SUMF1: variants seen among roughly 807,000 people sequenced by gnomAD.
The protein encoded by SUMF1 is sulfatase modifying factor 1.
Under a neutral mutation model 47.6 loss-of-function variants are expected in SUMF1, and 48 were observed. The observed-to-expected ratio is 1.01, with a 90% CI of 0.80 to 1.28. The LOEUF is 1.28. Among genes scored for constraint, SUMF1 ranks in the 50% most tolerant of loss-of-function variants. SUMF1 has a pLI of 0.00. For missense variants in SUMF1, 571 were observed against 485.4 expected (o/e 1.18, Z -1.66); for synonymous variants, 230 against 192.1 (o/e 1.20, Z -1.63).
In SUMF1 at chr3:4,163,093, C is replaced by A. The variant is rs534548090; in HGVS notation, c.1015-94348G>T. On this transcript the variant is annotated intron_variant and NMD_transcript_variant, in intron 8 of 12. Transcript: ENST00000448413. ...AATGTACAAATGTCTGATGTAAAGTCATTGGGTGTTGAACTAAGCAGCAGC... is the reference window on the plus strand; with the variant it reads ...AATGTACAAATGTCTGATGTAAAGTAATTGGGTGTTGAACTAAGCAGCAGC... 4.7e-5 allele frequency among the ~76,000 whole-genome samples: 7 copies of A among 150,148 alleles called. No homozygotes were observed. In the South Asian group the frequency reaches 1.5e-3, roughly 31 times the overall value.
chr3:4,036,319 T>C (rs189629620), intron 9 of SUMF1, among the ~76,000 whole-genome samples: 1 of 152,326 alleles, frequency 6.6e-6, no homozygotes, highest in Admixed American at 6.5e-5. Context: ...TTAGAGCTCC[T>C]ATAAACTGTT....
At chr3:4,329,198 T>G (rs1474650500) in intron 8 of SUMF1, among the ~76,000 whole-genome samples, 3 of 152,220 alleles carry the variant, frequency 2.0e-5, no homozygotes, top group Admixed American at 1.3e-4. Context: ...TCTACCATTC[T>G]GGGGTCTGGA....
At chr3:4,464,081 C>T (rs1363080145) in intron 1 of SUMF1, among the ~76,000 whole-genome samples, 3 of 152,174 alleles carry the variant, frequency 2.0e-5, no homozygotes, top group Admixed American at 2.0e-4. Context: ...AAAGACTCAT[C>T]TAAAAAGTGT....
chr3:4,132,262 G>A (rs1288572938), intron 8 of SUMF1, among the ~76,000 whole-genome samples: 1 of 152,194 alleles, frequency 6.6e-6, no homozygotes, highest in Middle Eastern at 3.4e-3. Flanking sequence ...TCTGACCAAG[G>A]CACTCACTTT....
intron 8 of SUMF1, among the ~76,000 whole-genome samples, chr3:4,165,226 T>A (rs976788944): frequency 6.6e-6 from 1 of 152,168 alleles, no homozygotes; most frequent in East Asian, 1.9e-4. Context: ...TAGCATGACG[T>A]CTCTCCAAGT....
At chr3:4,064,637 C>A (rs1695338628) in intron 9 of SUMF1, among the ~76,000 whole-genome samples, 1 of 152,112 alleles carries the variant, frequency 6.6e-6, no homozygotes, top group Non-Finnish European at 1.5e-5. Flanking sequence ...AGAACCCTCT[C>A]TTGAGGTATG....
At chr3:4,232,387 C>T in intron 8 of SUMF1, among the ~76,000 whole-genome samples, 1 of 152,056 alleles carries the variant, frequency 6.6e-6, no homozygotes, top group East Asian at 1.9e-4. Context: ...AGTCAAGATT[C>T]AAAATTCTGA....
chr3:4,161,009 C>G (rs114740767), intron 8 of SUMF1, among the ~76,000 whole-genome samples: 20 of 152,174 alleles, frequency 1.3e-4, no homozygotes, highest in African/African-American at 4.3e-4. Context: ...GTATTGTGAT[C>G]TAAATTTTTA....
chr3:4,123,994 G>C (rs1431252637), intron 8 of SUMF1, among the ~76,000 whole-genome samples: 1 of 152,042 alleles, frequency 6.6e-6, no homozygotes, highest in Non-Finnish European at 1.5e-5. Flanking sequence ...TTCAGATTCA[G>C]CTCCTTTTCT....
At chr3:4,424,385 T>G (rs577700614) in intron 3 of SUMF1, among the ~76,000 whole-genome samples, 1 of 152,274 alleles carries the variant, frequency 6.6e-6, no homozygotes, top group Admixed American at 6.5e-5. Flanking sequence ...CATGGAGCTA[T>G]ATGATGATCA....
chr3:4,098,880 G>A (rs1692966302), intron 8 of SUMF1, among the ~76,000 whole-genome samples: 1 of 152,050 alleles, frequency 6.6e-6, no homozygotes, highest in Non-Finnish European at 1.5e-5. Context: ...TCTGACAATT[G>A]CAATTTTTAA....
chr3:4,093,681 G>A lies in SUMF1; in HGVS notation c.1015-24936C>T, dbSNP rs368462907. On this transcript the variant is annotated intron_variant and NMD_transcript_variant, in intron 8 of 12. Transcript: ENST00000448413. The stretch of plus-strand genomic sequence containing the variant: ...CAGGATATAGAGGGGAAACAATAAG[G>A]GAAAAGGCTGGACAATTAGGAAAAA... Among the ~76,000 whole-genome samples the A allele has an allele frequency of 9.9e-5, 15 of 152,168 alleles. 3 individuals carry two copies. The highest frequency in any genetic ancestry group is 6.5e-5 in the Admixed American group (1 of 15,286).
At chr3:4,166,293 G>C (rs542818839) in intron 8 of SUMF1, among the ~76,000 whole-genome samples, 1 of 152,076 alleles carries the variant, frequency 6.6e-6, no homozygotes, top group Non-Finnish European at 1.5e-5. Flanking sequence ...CATGAGGGAG[G>C]GAAGGGATCT....
At chr3:4,445,127 T>C (rs1289478468) in intron 3 of SUMF1, among the ~76,000 whole-genome samples, 3 of 152,212 alleles carry the variant, frequency 2.0e-5, no homozygotes, top group Non-Finnish European at 4.4e-5. Flanking sequence ...AAATTTTTGA[T>C]ACAACCCCAA....
Position 4,347,009 on chromosome 3 carries a change from G to A in SUMF1, c.1014+29321C>T, listed in dbSNP as rs148578345. The stretch of plus-strand genomic sequence containing the variant: ...AAGAAGTTGAATCCCTGAATAGACC[G>A]ATAACAAGCTCTGAAATTGAGGCAG... On this transcript the variant is annotated intron_variant and NMD_transcript_variant, in intron 8 of 12. Transcript: ENST00000448413. Among the ~76,000 whole-genome samples the A allele has an allele frequency of 4.9e-3, 739 of 152,076 alleles. 7 individuals carry two copies. The highest frequency in any genetic ancestry group is 0.017 in the African/African-American group (710 of 41,498).
At chr3:4,260,668 G>A (rs553200706) in intron 8 of SUMF1, among the ~76,000 whole-genome samples, 1 of 152,268 alleles carries the variant, frequency 6.6e-6, no homozygotes, top group Non-Finnish European at 1.5e-5. Context: ...CCAGGAGGCA[G>A]AGGTTGCAGT....
At chr3:4,313,621 T>C (rs774489334) in intron 8 of SUMF1, 10 of 1,614,124 alleles carry the variant, frequency 6.2e-6, no homozygotes, top group East Asian at 2.2e-5. Flanking sequence ...TGCCAAATCA[T>C]GTACTGCTTT....
At chr3:4,244,964 C>T (rs1335630059) in intron 8 of SUMF1, among the ~76,000 whole-genome samples, 1 of 151,922 alleles carries the variant, frequency 6.6e-6, no homozygotes, top group Non-Finnish European at 1.5e-5. Context: ...TTTCTCTTGT[C>T]TTCTTGCTTT....
intron 8 of SUMF1, among the ~76,000 whole-genome samples, chr3:4,129,861 A>G (rs1693744611): frequency 6.6e-6 from 1 of 151,982 alleles, no homozygotes. Context: ...GGGTCCCTGG[A>G]CTCATCCTGT....
Sources: gnomAD v4.1 joint callset for allele counts (sites outside exome capture counted in the v4.1 genomes callset) on GRCh38, gnomAD v4.1.1 for gene constraint, MANE v1.5 for transcripts, NCBI Gene and HGNC (gene_info 2026-07-23, HGNC 2026-07-21) for gene names.